The following TRIM10 variants were observed in gnomAD, a reference collection of about 807,000 sequenced individuals.
TRIM10 encodes the protein tripartite motif-containing protein 10.
In TRIM10, 42 loss-of-function variants were observed where a neutral mutation model predicts 40.0. The ratio of observed to expected loss-of-function variants is 1.05; its 90% CI spans 0.82 to 1.36. The LOEUF is 1.36. Among genes scored for constraint, TRIM10 ranks in the 40% most tolerant of loss-of-function variants. The pLI is 0.00. For missense variants in TRIM10, 601 were observed against 608.3 expected, an observed-to-expected ratio of 0.99 and a Z score of 0.13; for synonymous variants, 260 against 239.5, an observed-to-expected ratio of 1.09 and a Z score of -0.79.
chr6:30,163,572 T>C (rs9261536), upstream of TRIM10: 969,014 of 1,300,994 alleles, frequency 0.74, 366,084 homozygotes, highest in African/African-American at 0.89. Context: ...CTCTGTCTCT[T>C]AGCCTTGCAG....
chr6:30,160,785 T>C lies in TRIM10; in HGVS notation c.74A>G (p.Glu25Gly). ...NCPICQGTLR[E>G]PVTIDCGHNF... ...GTGGCCGCAGTCGATAGTGACCGGC[T>C]CCCTCAGGGTACCCTGACAGATGGG... Residue 25 changes from glutamate to glycine, a missense_variant, in exon 1 of 7, where the codon GAG becomes GGG. Glu to Gly is a moderately conservative substitution (Grantham distance 98). Coordinates refer to ENST00000449742, the MANE Select transcript of TRIM10 (RefSeq NM_006778.4). 6.2e-7 allele frequency: 1 copy of C among 1,614,006 alleles called. No individual in the cohort carries two copies. The highest frequency in any genetic ancestry group is 8.5e-7 in the Non-Finnish European group (1 of 1,180,014).
At chr6:30,154,518 G>A in intron 6 of TRIM10, 32 bp from the exon 7 acceptor site, 1 of 1,600,814 alleles carries the variant, frequency 6.2e-7, no homozygotes, top group Non-Finnish European at 8.5e-7. Context: ...ACAGATGTCA[G>A]CAGACATGCT....
At position 30,153,562 on chromosome 6, in the gene TRIM10, T is replaced by A; in HGVS notation, c.*407A>T. On this transcript the variant is annotated 3_prime_UTR_variant, in exon 7 of 7. Coordinates refer to ENST00000449742, the MANE Select transcript of TRIM10 (RefSeq NM_006778.4). ...AATGGTTCTAGAGAATGTGATTACA[T>A]GAACTCTAACATTATTGGAAGAAAA... 1.2e-6 allele frequency: 1 copy of A among 841,612 alleles called. No individual in the cohort carries two copies. The highest frequency in any genetic ancestry group is 2.7e-5 in the East Asian group (1 of 37,504). 52.1% of individuals were successfully genotyped at this position (841,612 alleles called of 1,614,324 possible). A position where few individuals can be genotyped will look rare whatever the true frequency, so the allele number is the denominator to read the frequency against.
chr6:30,158,370 G>T (rs749046875), intron 3 of TRIM10, 29 bp downstream of exon 3: 8 of 1,581,026 alleles, frequency 5.1e-6, no homozygotes, highest in Non-Finnish European at 6.9e-6. Flanking sequence ...GACAGCACAG[G>T]TGGGGCAGGG....
Position 30,154,012 on chromosome 6 carries a change from A to G in TRIM10, c.1403T>C (p.Phe468Ser). Residue 468 changes from phenylalanine to serine, a missense_variant, in exon 7 of 7, where the codon TTT becomes TCT. Coordinates refer to ENST00000449742, the MANE Select transcript of TRIM10 (RefSeq NM_006778.4). The stretch of plus-strand genomic sequence containing the variant: ...ACTGGACCCTCGGCCCCAGAGCCCA[A>G]AGAAGGGAATGACCTTCCTAGTGAA... ...ASFTRKVIPF[F>S]GLWGRGSSFS... 1.2e-6 allele frequency: 2 copies of G among 1,608,642 alleles called. No homozygotes were observed. Among genetic ancestry groups the G allele is most frequent in the Non-Finnish European group, 1.7e-6 (2 of 1,176,424 alleles).
At chr6:30,155,346 G>A (rs1042874754) in intron 6 of TRIM10, among the ~76,000 whole-genome samples, 2 of 152,112 alleles carry the variant, frequency 1.3e-5, no homozygotes, top group African/African-American at 2.4e-5. Flanking sequence ...CCAGATCAAA[G>A]TCCCCTTTAT....
chr6:30,153,844 C>A lies in TRIM10; in HGVS notation c.*125G>T. 6.2e-7 allele frequency: 1 copy of A among 1,607,516 alleles called. No homozygotes were observed. The highest frequency in any genetic ancestry group is 8.5e-7 in the Non-Finnish European group (1 of 1,176,204). On this transcript the variant is annotated 3_prime_UTR_variant, in exon 7 of 7. Transcript: ENST00000449742. ...TCTATCCCTTACCACCCGGCCCCAT[C>A]CCATCTTCTAAAGCAGTCATTTCTA...
chr6:30,154,797 G>C, intron 6 of TRIM10: 1 of 658,058 alleles, frequency 1.5e-6, no homozygotes, highest in Admixed American at 2.1e-5. Context: ...CCGCAAGTTG[G>C]CTGGTTTCCA....
intron 3 of TRIM10, among the ~76,000 whole-genome samples, chr6:30,157,729 A>G (rs1327555572): frequency 1.1e-5 from 1 of 92,392 alleles, no homozygotes; most frequent in Admixed American, 1.6e-4. Flanking sequence ...CACTTTTCTT[A>G]TGACTGGAAA....
At chr6:30,163,542 C>CTCTCTCTCTCTCTCTT, upstream of TRIM10, 1 of 1,058,474 alleles carries the variant, frequency 9.4e-7, no homozygotes, top group East Asian at 2.9e-5. Context: ...GCATTCTTGC[C>CTCTCTCTCTCTCTCTT]TCTCTCTCTC....
chr6:30,154,056 G>A lies in TRIM10; in HGVS notation c.1359C>T (p.Ile453=). 1 of 1,612,904 alleles carries A rather than the reference G, an allele frequency of 6.2e-7. No individual in the cohort carries two copies. Among genetic ancestry groups the A allele is most frequent in the Non-Finnish European group, 8.5e-7 (1 of 1,179,892 alleles). ...TFTNAVTREP[I]YTFTASFTRK... The stretch of plus-strand genomic sequence containing the variant: ...TAGTGAAGGAGGCAGTGAAGGTGTA[G>A]ATGGGCTCTCGGGTGACAGCGTTGG... The change falls in exon 7 of 7, where the codon ATC becomes ATT. Residue 453 remains isoleucine, a synonymous_variant. Transcript: ENST00000449742.
chr6:30,158,528 G>C lies in TRIM10; in HGVS notation c.627C>G (p.Ser209Arg). The change falls in exon 3 of 7, where the codon AGC (serine) becomes AGG (arginine). Residue 209 changes from serine to arginine, a missense_variant. Coordinates refer to ENST00000449742, the MANE Select transcript of TRIM10 (RefSeq NM_006778.4). ...QQSILLAQLE[S>R]QDGDILRQRD... Reference sequence around the variant, plus strand: ...GTTGCCTCAAGATGTCCCCATCCTGGCTCTCCAATTGTGCTAAGAGGATGC... The same window carrying C: ...GTTGCCTCAAGATGTCCCCATCCTGCCTCTCCAATTGTGCTAAGAGGATGC... 6.2e-7 allele frequency: 1 copy of C among 1,613,022 alleles called. No individual in the cohort carries two copies. Among genetic ancestry groups the C allele is most frequent in the Non-Finnish European group, 8.5e-7 (1 of 1,180,024 alleles).
Position 30,160,646 on chromosome 6 carries a change from G to A in TRIM10, c.213C>T (p.Pro71=). ...KEPFRPGSFR[P]NWQLANVVEN... ...CCACCACGTTAGCCAGCTGCCAGTT[G>A]GGCCGGAAGCTCCCAGGACGGAAGG... The change falls in exon 1 of 7, where the codon CCC becomes CCT. Residue 71 remains proline, a synonymous_variant. Coordinates refer to ENST00000449742, the MANE Select transcript of TRIM10 (RefSeq NM_006778.4). 1.2e-6 allele frequency: 2 copies of A among 1,614,226 alleles called. No individual in the cohort carries two copies. The highest frequency in any genetic ancestry group is 1.7e-6 in the Non-Finnish European group (2 of 1,180,040).
At chr6:30,163,398 C>G (rs1562136178), upstream of TRIM10, 3 of 532,188 alleles carry the variant, frequency 5.6e-6, no homozygotes. Context: ...GAGTAAAGAA[C>G]TGGCTTACTT....
chr6:30,158,776 G>C (rs1470567364), intron 2 of TRIM10, 147 bp from the exon 3 acceptor site: 6 of 722,668 alleles, frequency 8.3e-6, no homozygotes, highest in Admixed American at 2.4e-5. Context: ...AAGACTCACA[G>C]TGTTGTCTCA....
intron 5 of TRIM10, among the ~76,000 whole-genome samples, chr6:30,156,572 A>G (rs1772548604): frequency 6.6e-6 from 1 of 152,256 alleles, no homozygotes; most frequent in Non-Finnish European, 1.5e-5. Context: ...GCTATTAATT[A>G]ACAATGTTCA....
upstream of TRIM10, among the ~76,000 whole-genome samples, chr6:30,161,328 G>C (rs1254741377): frequency 6.6e-6 from 1 of 152,186 alleles, no homozygotes; most frequent in Non-Finnish European, 1.5e-5. Context: ...CCAGCCCAGG[G>C]CTTGCCCATC....
intron 5 of TRIM10, chr6:30,156,735 G>C: frequency 1.5e-6 from 1 of 669,076 alleles, no homozygotes; most frequent in Non-Finnish European, 2.7e-6. Flanking sequence ...TTTTTCACCA[G>C]AAATATTCAC....
intron 1 of TRIM10, 99 bp from the exon 2 acceptor site, chr6:30,159,344 G>A: frequency 2.5e-6 from 2 of 794,566 alleles, no homozygotes; most frequent in Non-Finnish European, 4.2e-6. Flanking sequence ...ATGGCCCCAG[G>A]AGAGGAGTCC....
Sources: gnomAD v4.1 joint callset for allele counts (sites outside exome capture counted in the v4.1 genomes callset) on GRCh38, gnomAD v4.1.1 for gene constraint, MANE v1.5 for transcripts, NCBI Gene and HGNC (gene_info 2026-07-23, HGNC 2026-07-21) for gene names.